EFCAB6: variants seen among roughly 807,000 people sequenced by gnomAD.
EFCAB6 encodes EF-hand calcium binding domain 6, also known as EF-hand calcium-binding domain-containing protein 6.
A neutral mutation model predicts 169.8 loss-of-function variants in EFCAB6; 156 were observed. That is an observed-to-expected ratio of 0.92 (90% confidence interval 0.81 to 1.05). The LOEUF (loss-of-function observed/expected upper bound fraction) is 1.05. Ranked by LOEUF, EFCAB6 falls within the 50% of genes least tolerant of loss-of-function variation. The pLI is 0.00. For synonymous variants in EFCAB6, 698 were observed against 676.4 expected (o/e 1.03, Z -0.50); for missense variants, 1,800 against 1,829.1 (o/e 0.98, Z 0.29).
chr22:43,688,665 T>C (rs751023913), intron 10 of EFCAB6, among the ~76,000 whole-genome samples: 2 of 152,198 alleles, frequency 1.3e-5, no homozygotes, highest in Non-Finnish European at 2.9e-5. Context: ...AGGGTTGTGA[T>C]AAGGATTAGA....
At chr22:43,685,570 T>G (rs1056104879) in intron 11 of EFCAB6, among the ~76,000 whole-genome samples, 7 of 152,204 alleles carry the variant, frequency 4.6e-5, no homozygotes, top group Non-Finnish European at 1.0e-4. Context: ...GAGACGTCAT[T>G]TTTGTTCACT....
chr22:43,610,727 CTT>C (rs1361131944), intron 21 of EFCAB6, among the ~76,000 whole-genome samples: 6 of 151,882 alleles, frequency 4.0e-5, no homozygotes, highest in African/African-American at 7.3e-5. Context: ...AGAGTCATAA[CTT>C]AAAAAAAAAT....
At position 43,746,280 on chromosome 22, in the gene EFCAB6, G is replaced by A. The variant is rs182186049; in HGVS notation, c.507+9486C>T. 3.9e-5 allele frequency among the ~76,000 whole-genome samples: 6 copies of A among 152,008 alleles called. No homozygotes were observed. The East Asian group carries it at 5.8e-4, about 15-fold the overall frequency. On this transcript the variant is annotated intron_variant, in intron 6 of 31. Transcript: ENST00000262726. ...GCATACCCTGCCTTTACCAAAAATC[G>A]AAAAAGCTTACTGAAAAAGATATCC...
At chr22:43,636,773 G>C (rs1434833197) in intron 17 of EFCAB6, among the ~76,000 whole-genome samples, 1 of 151,552 alleles carries the variant, frequency 6.6e-6, no homozygotes, top group Non-Finnish European at 1.5e-5. Context: ...ACCACGCCCA[G>C]CTAATTTTTT....
chr22:43,641,240 G>A (rs1233904598), intron 17 of EFCAB6, among the ~76,000 whole-genome samples: 5 of 152,214 alleles, frequency 3.3e-5, no homozygotes, highest in Admixed American at 6.5e-5. Flanking sequence ...TGAATCCTGA[G>A]TCTGACTAAG....
chr22:43,563,089 C>T (rs942993206), intron 26 of EFCAB6, among the ~76,000 whole-genome samples: 4 of 152,166 alleles, frequency 2.6e-5, no homozygotes, highest in South Asian at 2.1e-4. Flanking sequence ...TCACAGGGTG[C>T]GCTCCTGAGC....
chr22:43,715,186 A>T (rs2374775), intron 9 of EFCAB6, among the ~76,000 whole-genome samples: 133,858 of 152,200 alleles, frequency 0.88, 58,908 homozygotes, highest in East Asian at 0.99. Context: ...GGACCTAATA[A>T]GTCTTGCGGG....
At chr22:43,615,532 C>T (rs1034717665) in intron 21 of EFCAB6, among the ~76,000 whole-genome samples, 4 of 152,270 alleles carry the variant, frequency 2.6e-5, no homozygotes, top group Middle Eastern at 3.4e-3. Context: ...GCTAAAACTG[C>T]GATGACTTTT....
At chr22:43,737,965 C>G (rs1216114187) in intron 6 of EFCAB6, among the ~76,000 whole-genome samples, 3 of 151,648 alleles carry the variant, frequency 2.0e-5, no homozygotes, top group Non-Finnish European at 1.5e-5. Flanking sequence ...CCCACACCAT[C>G]ACTCACACAC....
intron 17 of EFCAB6, among the ~76,000 whole-genome samples, chr22:43,654,418 T>C (rs1045055904): frequency 6.6e-6 from 1 of 152,224 alleles, no homozygotes; most frequent in Non-Finnish European, 1.5e-5. Context: ...GGTAACACAC[T>C]TCAGCCAGTG....
In EFCAB6 at chr22:43,738,796, AAAC is replaced by A. The variant is rs776377804; in HGVS notation, c.508-2806_508-2804del. Among the ~76,000 whole-genome samples, 16 of 152,288 alleles carry A rather than the reference AAAC, an allele frequency of 1.1e-4. 1 individual carries two copies. Among genetic ancestry groups the A allele is most frequent in the Admixed American group, 7.2e-4 (11 of 15,292 alleles). Reference sequence around the variant, plus strand: ...ACCTCTTATTTAACAGAGAAAACAGAAACAACTAAAAGACAGCATTCCCATTCC... The same window carrying A: ...ACCTCTTATTTAACAGAGAAAACAGAAACTAAAAGACAGCATTCCCATTCC... On this transcript the variant is annotated intron_variant, in intron 6 of 31. Coordinates refer to ENST00000262726, the MANE Select transcript of EFCAB6 (RefSeq NM_022785.4).
At chr22:43,746,324 T>C (rs530980296) in intron 6 of EFCAB6, among the ~76,000 whole-genome samples, 1 of 151,830 alleles carries the variant, frequency 6.6e-6, no homozygotes, top group South Asian at 2.1e-4. Context: ...TCCACAAAAA[T>C]GGAGAAAAGA....
At chr22:43,757,472 G>T (rs975922207) in intron 5 of EFCAB6, among the ~76,000 whole-genome samples, 1 of 151,376 alleles carries the variant, frequency 6.6e-6, no homozygotes, top group South Asian at 2.1e-4. Flanking sequence ...ACTTGAACCC[G>T]GGAGGCAGAG....
Position 43,537,165 on chromosome 22 carries a change from T to C in EFCAB6, c.4048+212A>G, listed in dbSNP as rs2047431448. The stretch of plus-strand genomic sequence containing the variant: ...TGCAGCGCTGACTTTACCATGCAGA[T>C]GGGCCCCCTGCTGGGAGGGCCGGGT... On this transcript the variant is annotated intron_variant, in intron 29 of 31. Transcript: ENST00000262726. This position sits in a 1 kb window ranked among gnomAD's most constrained non-coding sequence, Gnocchi z 4.3. 5.7e-6 allele frequency: 3 copies of C among 529,356 alleles called. No homozygotes were observed. The highest frequency in any genetic ancestry group is 9.9e-6 in the Non-Finnish European group (3 of 303,048). 32.8% of individuals were successfully genotyped at this position (529,356 alleles called of 1,614,324 possible). A position where few individuals can be genotyped will look rare whatever the true frequency, so the allele number is the denominator to read the frequency against.
In EFCAB6 at chr22:43,788,257, T is replaced by C. The variant is rs185717964; in HGVS notation, c.-7-5932A>G. ...GGACTTCATCAAACTTTAAAACTTT[T>C]GTGCTTCAAAGGATACTGTCAAGAA... On this transcript the variant is annotated intron_variant, in intron 2 of 31. Coordinates refer to ENST00000262726, the MANE Select transcript of EFCAB6 (RefSeq NM_022785.4). 3.2e-3 allele frequency among the ~76,000 whole-genome samples: 495 copies of C among 152,318 alleles called. 3 individuals carry two copies. The highest frequency in any genetic ancestry group is 5.8e-3 in the Non-Finnish European group (393 of 68,016).
intron 27 of EFCAB6, chr22:43,540,624 T>C (rs1301301812): frequency 1.6e-6 from 2 of 1,272,352 alleles, no homozygotes; most frequent in East Asian, 7.0e-5. Context: ...GTGAGCACTT[T>C]AAGGCCATTA....
At chr22:43,811,644 A>T (rs1001696778) in intron 1 of EFCAB6, among the ~76,000 whole-genome samples, 1 of 152,176 alleles carries the variant, frequency 6.6e-6, no homozygotes, top group Non-Finnish European at 1.5e-5. Context: ...GCCGTGATAC[A>T]GAAATGAGTT....
At chr22:43,648,320 A>G (rs952186562) in intron 17 of EFCAB6, among the ~76,000 whole-genome samples, 1 of 152,188 alleles carries the variant, frequency 6.6e-6, no homozygotes, top group East Asian at 1.9e-4. Flanking sequence ...GTGCCCATCA[A>G]TGGTGGACTG....
rs60855672 is a variant in EFCAB6 at position 43,593,209 on chromosome 22, G to A, written c.2877-2980C>T. On this transcript the variant is annotated intron_variant, in intron 23 of 31. Transcript: ENST00000262726. ...TTTTGAGGAAACAGAAATTGGTCAT[G>A]CATTTGTCTTCTTTACTAAGAGAGC... Among the ~76,000 whole-genome samples, 1,120 of 152,366 alleles carry A rather than the reference G, an allele frequency of 7.4e-3. 19 individuals carry two copies. The highest frequency in any genetic ancestry group is 0.026 in the African/African-American group (1,080 of 41,594).
Sources: gnomAD v4.1 joint callset for allele counts (sites outside exome capture counted in the v4.1 genomes callset) on GRCh38, gnomAD v4.1.1 for gene constraint, Gnocchi (gnomAD v3.1) non-coding constraint, MANE v1.5 for transcripts, NCBI Gene and HGNC (gene_info 2026-07-23, HGNC 2026-07-21) for gene names.